Variants in DMD observed in about 807,000 individuals in gnomAD.
DMD encodes mutant dystrophin.
A neutral mutation model predicts 330.1 loss-of-function variants in DMD; 63 were observed. That is an observed-to-expected ratio of 0.19 (90% CI 0.16 to 0.24). The LOEUF (loss-of-function observed/expected upper bound fraction) is 0.24, where lower values mean the gene tolerates loss of function less well. DMD is among the 10% of genes least tolerant of loss of function. The pLI, the probability that DMD is intolerant of heterozygous loss-of-function variation, is 1.00. For missense variants in DMD, 3,344 were observed against 2,684.1 expected, an observed-to-expected ratio of 1.25 and a Z score of -5.43; for synonymous variants, 1,223 against 959.8, an observed-to-expected ratio of 1.27 and a Z score of -5.07.
intron 55 of DMD, among the ~76,000 whole-genome samples, chrX:31,607,025 T>C (rs908030123): frequency 6.2e-5 from 7 of 112,015 alleles, no homozygotes; most frequent in African/African-American, 1.9e-4. Flanking sequence ...ACTGCTACTT[T>C]TATTATTTAT....
intron 4 of DMD, among the ~76,000 whole-genome samples, chrX:32,833,692 T>TAA (rs5902041): frequency 2.2e-4 from 18 of 81,103 alleles, no homozygotes; most frequent in African/African-American, 5.0e-4. Context: ...TAATTTCAAG[T>TAA]AAAAAAAAAA....
Position 32,472,210 on chromosome X carries a change from C to A in DMD, c.2903G>T (p.Ser968Ile). 1 of 1,211,226 alleles carries A rather than the reference C, an allele frequency of 8.3e-7. No homozygotes were observed. The highest frequency in any genetic ancestry group is 2.3e-4 in the Middle Eastern group (1 of 4,348). Residue 968 changes from serine to isoleucine, a missense_variant, in exon 22 of 79, where the codon AGT becomes ATT. Transcript: ENST00000357033. ...SETKLSIPQL[S>I]VTDYEIMEQR... ...CTCCATGATTTCATAGTCGGTGACA[C>A]TAAGTTGAGGTATGGAGAGTTTGGT... is the stretch of plus-strand genomic sequence containing the variant.
At chrX:33,323,379 T>C (rs1024144141) in intron 1 of DMD, among the ~76,000 whole-genome samples, 6 of 111,370 alleles carry the variant, frequency 5.4e-5, no homozygotes, top group African/African-American at 2.0e-4. Context: ...TGAGGATGAG[T>C]AGGTAAAGAC....
chrX:32,272,733 C>T (rs764044803), intron 43 of DMD, among the ~76,000 whole-genome samples: 4 of 112,106 alleles, frequency 3.6e-5, no homozygotes, highest in African/African-American at 1.3e-4. Flanking sequence ...ATGTAAGGCT[C>T]TGAACCCATG....
chrX:31,146,213 G>T, intron 76 of DMD, 78 bp downstream of exon 76: 1 of 1,114,135 alleles, frequency 9.0e-7, no homozygotes, highest in Non-Finnish European at 1.2e-6. Context: ...AAACACTTAC[G>T]GCCAAATATT....
chrX:31,873,943 G>A (rs1469897016), intron 48 of DMD, among the ~76,000 whole-genome samples: 1 of 111,583 alleles, frequency 9.0e-6, no homozygotes, highest in Non-Finnish European at 1.9e-5. Context: ...CCTAGGCTGA[G>A]TGTGTATGAT....
At chrX:33,185,998 C>T (rs1214406646) in intron 1 of DMD, among the ~76,000 whole-genome samples, 3 of 111,710 alleles carry the variant, frequency 2.7e-5, no homozygotes, top group Admixed American at 9.5e-5. Flanking sequence ...ATGTAGTATT[C>T]CCCTCAGTTT....
chrX:32,034,680 G>C, intron 44 of DMD, among the ~76,000 whole-genome samples: 1 of 111,316 alleles, frequency 9.0e-6, no homozygotes, highest in Non-Finnish European at 1.9e-5. Flanking sequence ...GTATTTCAAA[G>C]AAGATTTAAA....
intron 47 of DMD, among the ~76,000 whole-genome samples, chrX:31,877,841 A>G (rs897699576): frequency 3.6e-5 from 4 of 111,896 alleles, no homozygotes; most frequent in African/African-American, 1.3e-4. Flanking sequence ...TTATTGGATC[A>G]TTTTCTACTC....
chrX:32,654,048 G>C (rs1017549920), intron 9 of DMD, among the ~76,000 whole-genome samples: 2 of 111,803 alleles, frequency 1.8e-5, no homozygotes, highest in African/African-American at 6.5e-5. Context: ...AGTAGATTTT[G>C]GGCTGAGACA....
chrX:31,454,270 C>T (rs1222294851), intron 59 of DMD, among the ~76,000 whole-genome samples: 3 of 110,930 alleles, frequency 2.7e-5, no homozygotes, highest in Non-Finnish European at 5.7e-5. Flanking sequence ...TCCCAAGTAG[C>T]TGGGATTACA....
chrX:32,953,148 A>AG (rs1414542171), intron 2 of DMD, among the ~76,000 whole-genome samples: 76 of 107,373 alleles, frequency 7.1e-4, no homozygotes, highest in South Asian at 4.4e-3. Context: ...AAAAAAAAAA[A>AG]AAGAAGAAGA....
chrX:32,074,223 T>A (rs2096324866), intron 44 of DMD, among the ~76,000 whole-genome samples: 2 of 111,621 alleles, frequency 1.8e-5, no homozygotes, highest in Admixed American at 1.9e-4. Context: ...CAGTGCAATT[T>A]TAGGACCAAT....
At chrX:32,033,653 G>GAAAGAAAGAAAGAAAGAAAGAAAGA (rs201179363) in intron 44 of DMD, among the ~76,000 whole-genome samples, 13 of 59,066 alleles carry the variant, frequency 2.2e-4, no homozygotes, top group African/African-American at 8.4e-4. Flanking sequence ...AAGAAAGAAA[G>GAAAGAAAGAAAGAAAGAAAGAAAGA]AAGAAAGAAA....
intron 63 of DMD, among the ~76,000 whole-genome samples, chrX:31,240,043 A>T (rs2048096249): frequency 8.9e-6 from 1 of 111,759 alleles, no homozygotes; most frequent in Non-Finnish European, 1.9e-5. Context: ...GTTAGCATTT[A>T]TGAAGCTTTG....
intron 7 of DMD, among the ~76,000 whole-genome samples, chrX:32,801,870 A>G (rs2076594425): frequency 9.0e-6 from 1 of 111,117 alleles, no homozygotes; most frequent in Non-Finnish European, 1.9e-5. Flanking sequence ...TCGTCTATGT[A>G]TCTGTTCTGG....
At chrX:31,307,226 G>C (rs1404267656) in intron 62 of DMD, among the ~76,000 whole-genome samples, 2 of 111,776 alleles carry the variant, frequency 1.8e-5, no homozygotes, top group Non-Finnish European at 3.8e-5. Context: ...AAATGACTTT[G>C]TAGTTTGAAC....
intron 43 of DMD, among the ~76,000 whole-genome samples, chrX:32,223,689 C>T (rs1216661948): frequency 3.6e-5 from 4 of 111,663 alleles, no homozygotes; most frequent in Non-Finnish European, 7.5e-5. Flanking sequence ...GACCAAGTAA[C>T]ATTGTGTGAA....
intron 74 of DMD, among the ~76,000 whole-genome samples, chrX:31,162,275 C>G (rs16998130): frequency 2.0e-5 from 2 of 101,261 alleles, no homozygotes; most frequent in Admixed American, 2.2e-4. Context: ...TAAAGAAACT[C>G]ATGACCATAA....
Sources: allele counts gnomAD v4.1 joint callset (sites outside exome capture counted in the v4.1 genomes callset), GRCh38; gene constraint gnomAD v4.1.1; transcripts MANE v1.5; gene names NCBI Gene and HGNC (gene_info 2026-07-23, HGNC 2026-07-21).